Variants in PPM1H observed in about 807,000 individuals in gnomAD.
PPM1H encodes protein phosphatase 1H.
In PPM1H, 27 loss-of-function variants were observed where a neutral mutation model predicts 54.9. That is an observed-to-expected ratio of 0.49 (90% CI 0.36 to 0.68). The LOEUF (loss-of-function observed/expected upper bound fraction) is 0.68, where lower values mean the gene tolerates loss of function less well. PPM1H is among the 30% of genes least tolerant of loss of function. The pLI, the probability that PPM1H is intolerant of heterozygous loss-of-function variation, is 0.00. For synonymous variants in PPM1H, 305 were observed against 270.8 expected (o/e 1.13, Z -1.24); for missense variants, 596 against 667.8 (o/e 0.89, Z 1.19).
At chr12:62,924,366 A>T (rs1013621537) in intron 1 of PPM1H, among the ~76,000 whole-genome samples, 2 of 152,236 alleles carry the variant, frequency 1.3e-5, no homozygotes, top group Non-Finnish European at 2.9e-5. Context: ...AGAATCACCC[A>T]CATGGCTGAC....
At chr12:62,735,699 G>A (rs900520786) in intron 5 of PPM1H, among the ~76,000 whole-genome samples, 1 of 152,180 alleles carries the variant, frequency 6.6e-6, no homozygotes, top group Non-Finnish European at 1.5e-5. Context: ...ACACTGCAGG[G>A]ATCTGGAAGC....
chr12:62,794,674 C>G (rs2076721808), intron 3 of PPM1H, among the ~76,000 whole-genome samples: 1 of 152,124 alleles, frequency 6.6e-6, no homozygotes, highest in Non-Finnish European at 1.5e-5. Context: ...GCAAAGGCTT[C>G]CTGTAACTAA....
At chr12:62,672,085 A>G (rs2075959680) in intron 8 of PPM1H, among the ~76,000 whole-genome samples, 1 of 152,196 alleles carries the variant, frequency 6.6e-6, no homozygotes, top group African/African-American at 2.4e-5. Context: ...GGTTCACTGA[A>G]TGAATAATCG....
intron 3 of PPM1H, among the ~76,000 whole-genome samples, chr12:62,799,563 A>C (rs1004284465): frequency 3.9e-5 from 6 of 152,228 alleles, no homozygotes; most frequent in African/African-American, 1.4e-4. Context: ...TATTGACATC[A>C]GAGCCTCTAC....
chr12:62,831,751 A>G (rs1000693914), intron 2 of PPM1H, among the ~76,000 whole-genome samples: 1 of 150,102 alleles, frequency 6.7e-6, no homozygotes, highest in Admixed American at 6.6e-5. Context: ...ATACGTATAT[A>G]TATTCGTGTA....
intron 1 of PPM1H, among the ~76,000 whole-genome samples, chr12:62,924,401 T>C (rs565360690): frequency 6.6e-6 from 1 of 152,352 alleles, no homozygotes; most frequent in East Asian, 1.9e-4. Context: ...ACTGGTCTTC[T>C]GAACATAATC....
At position 62,884,501 on chromosome 12, in the gene PPM1H, C is replaced by CAAAAAAA. The variant is rs6144736; in HGVS notation, c.245+49984_245+49990dup. ...GGGCAACAAGAATGAAACTCCATATCAAAAAAAAAAAAAAAAAGAAAGAAA... is the reference window on the plus strand; with the variant it reads ...GGGCAACAAGAATGAAACTCCATATCAAAAAAAAAAAAAAAAAAAAAAAAGAAAGAAA... On this transcript the variant is annotated intron_variant, in intron 1 of 9. Coordinates refer to ENST00000228705, the MANE Select transcript of PPM1H (RefSeq NM_020700.2). Among the ~76,000 whole-genome samples the CAAAAAAA allele has an allele frequency of 3.7e-3, 331 of 89,850 alleles. 4 individuals are homozygous for CAAAAAAA. The highest frequency in any genetic ancestry group is 0.012 in the African/African-American group (299 of 25,200). 58.9% of individuals were successfully genotyped at this position (89,850 alleles called of 152,430 possible).
chr12:62,832,064 G>T, intron 2 of PPM1H, 50 bp downstream of exon 2: 1 of 1,584,904 alleles, frequency 6.3e-7, no homozygotes. Context: ...TGGGACCAAA[G>T]TGTGTGCCAT....
Position 62,801,823 on chromosome 12 carries a change from T to C in PPM1H, c.749A>G (p.Lys250Arg). Reference protein sequence around the residue: ...LVIGALESAFKEMDLQIERER... With the variant: ...LVIGALESAFREMDLQIERER... ...ACTCCCAGGAATACCTACCATTTCC[T>C]TGAATGCACTTTCAAGCGCTCCGAT... The change falls in exon 3 of 10, where the codon AAG becomes AGG. Residue 250 changes from lysine to arginine, a missense_variant. This residue lies in a region of PPM1H where 382 missense variants were observed against 387.1 expected (regional missense o/e 0.99). Transcript: ENST00000228705. The C allele has an allele frequency of 1.9e-6, 3 of 1,613,800 alleles. No homozygotes were observed. Among genetic ancestry groups the C allele is most frequent in the East Asian group, 2.2e-5 (1 of 44,858 alleles).
intron 1 of PPM1H, among the ~76,000 whole-genome samples, chr12:62,909,752 C>T (rs1451464126): frequency 6.6e-6 from 1 of 152,140 alleles, no homozygotes; most frequent in Non-Finnish European, 1.5e-5. Flanking sequence ...TCTGCTTCAC[C>T]CACTAGAATA....
intron 1 of PPM1H, among the ~76,000 whole-genome samples, chr12:62,897,288 G>A (rs1871024113): frequency 6.6e-6 from 1 of 151,760 alleles, no homozygotes; most frequent in Non-Finnish European, 1.5e-5. Context: ...ACTCCCTTGT[G>A]CCCTCCCCCA....
Position 62,877,456 on chromosome 12 carries a change from A to C in PPM1H, c.246-45177T>G, listed in dbSNP as rs367895235. ...CTAGCATCACTGCCCGAGCTCCTTC[A>C]AAAGCATTTTGTTCCAAGGTACCAC... On this transcript the variant is annotated intron_variant, in intron 1 of 9. Transcript: ENST00000228705. 5.3e-4 allele frequency among the ~76,000 whole-genome samples: 81 copies of C among 152,306 alleles called. 1 individual carries two copies. In the South Asian group the frequency reaches 0.014, roughly 27 times the overall value.
intron 4 of PPM1H, among the ~76,000 whole-genome samples, chr12:62,742,739 G>C (rs1163316996): frequency 6.6e-6 from 1 of 152,182 alleles, no homozygotes. Context: ...TGGACTTGTG[G>C]ATACCACCAT....
intron 8 of PPM1H, among the ~76,000 whole-genome samples, chr12:62,678,994 T>G (rs1159525036): frequency 1.3e-5 from 2 of 151,860 alleles, no homozygotes; most frequent in South Asian, 2.1e-4. Context: ...GCCCGTATAC[T>G]CTTTGTTTTT....
intron 7 of PPM1H, among the ~76,000 whole-genome samples, chr12:62,691,781 C>CCACCGTA (rs2076084233): frequency 6.6e-6 from 1 of 150,476 alleles, no homozygotes; most frequent in Non-Finnish European, 1.5e-5. Flanking sequence ...CGAGATTGTG[C>CCACCGTA]CACCGTACTC....
intron 1 of PPM1H, among the ~76,000 whole-genome samples, chr12:62,911,157 T>C (rs1871447337): frequency 6.6e-6 from 1 of 151,970 alleles, no homozygotes; most frequent in Non-Finnish European, 1.5e-5. Flanking sequence ...TCTAATGATA[T>C]CTGTATCAGA....
At chr12:62,827,595 T>A (rs1361363221) in intron 2 of PPM1H, among the ~76,000 whole-genome samples, 3 of 152,184 alleles carry the variant, frequency 2.0e-5, no homozygotes, top group Admixed American at 6.5e-5. Flanking sequence ...ACTCTTCCTG[T>A]CTTGCCAACC....
chr12:62,930,153 A>T (rs1288963237), intron 1 of PPM1H, among the ~76,000 whole-genome samples: 1 of 152,216 alleles, frequency 6.6e-6, no homozygotes, highest in African/African-American at 2.4e-5. Context: ...GGAGACAGAC[A>T]GCCTGCAGAG....
chr12:62,663,071 GT>G (rs1187711403), intron 9 of PPM1H, among the ~76,000 whole-genome samples: 1 of 152,094 alleles, frequency 6.6e-6, no homozygotes, highest in Admixed American at 6.6e-5. Flanking sequence ...CATTTTGGGG[GT>G]GGGGGAGGTG....
Sources: gnomAD v4.1 joint callset for allele counts (sites outside exome capture counted in the v4.1 genomes callset) on GRCh38, gnomAD v4.1.1 for gene constraint, gnomAD v4.1.1 regional missense constraint, MANE v1.5 for transcripts, NCBI Gene and HGNC (gene_info 2026-07-23, HGNC 2026-07-21) for gene names.